The following ANKRD24 variants were observed in gnomAD, a reference collection of about 807,000 sequenced individuals.
ANKRD24 encodes the protein ankyrin repeat domain-containing protein 24.
In ANKRD24, 109 loss-of-function variants were observed where a neutral mutation model predicts 127.8. That is an observed-to-expected ratio of 0.85 (90% CI 0.73 to 1.00). The LOEUF is 1.00. Among genes scored for constraint, ANKRD24 ranks in the 50% least tolerant of loss-of-function variants. ANKRD24 has a pLI of 0.00. For synonymous variants in ANKRD24, 743 were observed against 671.1 expected (o/e 1.11, Z -1.66); for missense variants, 1,648 against 1,570.2 (o/e 1.05, Z -0.84).
chr19:4,213,523 TCGGTTCA>T (rs1969891090), intron 15 of ANKRD24, among the ~76,000 whole-genome samples: 1 of 142,632 alleles, frequency 7.0e-6, no homozygotes, highest in African/African-American at 2.6e-5. Context: ...TGGTGTGATC[TCGGTTCA>T]CGGCAACCTC....
At position 4,224,534 on chromosome 19, in the gene ANKRD24, C is replaced by G; in HGVS notation, c.*29C>G. On this transcript the variant is annotated 3_prime_UTR_variant, in exon 22 of 22. Coordinates refer to ENST00000318934, the MANE Select transcript of ANKRD24 (RefSeq NM_001393985.1). ...AGGCCAGGCCCAGTGGCTACACTGA[C>G]CACACCCACGCAGGGACCTCACCCC... 6.3e-7 allele frequency: 1 copy of G among 1,588,122 alleles called. No individual in the cohort carries two copies. The highest frequency in any genetic ancestry group is 1.1e-5 in the South Asian group (1 of 87,832).
In ANKRD24 at chr19:4,207,597, C is replaced by G; in HGVS notation, c.634C>G (p.Leu212Val). 6.2e-7 allele frequency: 1 copy of G among 1,613,922 alleles called. No homozygotes were observed. The highest frequency in any genetic ancestry group is 2.2e-5 in the East Asian group (1 of 44,886). The part of the protein sequence containing the change: ...QQGAAANDQD[L>V]QGRTALMLAC... ...AGGGGCTGCCGCGAACGATCAGGAC[C>G]TGCAAGGCAGGTGAGCATCTCCCCT... Residue 212 changes from leucine to valine, a missense_variant, in exon 9 of 22, where the codon CTG (leucine) becomes GTG (valine). Physicochemically the swap from Leu to Val is conservative, Grantham distance 32. Coordinates refer to ENST00000318934, the MANE Select transcript of ANKRD24 (RefSeq NM_001393985.1).
Position 4,219,593 on chromosome 19 carries a change from G to T in ANKRD24, c.3006G>T (p.Val1002=), listed in dbSNP as rs575222527. 2 of 1,607,170 alleles carry T rather than the reference G, an allele frequency of 1.2e-6. No homozygotes were observed. The highest frequency in any genetic ancestry group is 1.7e-5 in the Admixed American group (1 of 59,516). Residue 1002 remains valine (V), a splice_region_variant and synonymous_variant, in exon 19 of 22, where the codon GTG becomes GTT. Coordinates refer to ENST00000318934, the MANE Select transcript of ANKRD24 (RefSeq NM_001393985.1). ...TCATGCGTGGGCTTGGGCCACAGGT[G>T]CAGCGTGAGGCCCTGTTCATGAAGA... The part of the protein sequence containing the change: ...HEKTSAEVFQ[V]QREALFMKSE...
Position 4,216,791 on chromosome 19 carries a change from T to C in ANKRD24, c.1631T>C (p.Met544Thr). The stretch of plus-strand genomic sequence containing the variant: ...GCCACCAAAAACGGGCCAACCCACA[T>C]GGAGCTAAATGGCTCAGTGGCTCCA... ...ATATKNGPTH[M>T]ELNGSVAPET... Residue 544 changes from methionine (M) to threonine (T), a missense_variant, in exon 18 of 22, where the codon ATG becomes ACG. By Grantham distance (81) the Met-to-Thr change is moderately conservative. Transcript: ENST00000318934. The C allele has an allele frequency of 6.2e-7, 1 of 1,601,016 alleles. No homozygotes were observed. Among genetic ancestry groups the C allele is most frequent in the Non-Finnish European group, 8.5e-7 (1 of 1,174,204 alleles).
intron 5 of ANKRD24, 77 bp downstream of exon 5, chr19:4,200,248 C>A: frequency 7.1e-7 from 1 of 1,405,012 alleles, no homozygotes; most frequent in South Asian, 1.3e-5. Flanking sequence ...CCAGACCCTG[C>A]TCCCAGGTCT....
intron 13 of ANKRD24, among the ~76,000 whole-genome samples, chr19:4,211,817 T>A (rs1969757910): frequency 6.6e-6 from 1 of 151,994 alleles, no homozygotes; most frequent in African/African-American, 2.4e-5. Flanking sequence ...GAATGACTGG[T>A]CAGAATGGTG....
At chr19:4,191,948 A>T (rs1393711386) in intron 2 of ANKRD24, among the ~76,000 whole-genome samples, 3 of 145,166 alleles carry the variant, frequency 2.1e-5, no homozygotes, top group Non-Finnish European at 4.5e-5. Flanking sequence ...CGTCTAGCTA[A>T]TTTTTTTTTT....
At position 4,202,943 on chromosome 19, in the gene ANKRD24, C is replaced by G; in HGVS notation, c.466+17C>G. 6.5e-7 allele frequency: 1 copy of G among 1,545,200 alleles called. No individual in the cohort carries two copies. Among genetic ancestry groups the G allele is most frequent in the South Asian group, 1.2e-5 (1 of 83,334 alleles). Reference sequence around the variant, plus strand: ...ACCATGCAGGTGGGTGCAGCCCAGCCCTGCCCTGACCCCGAAGCCCAGAGG... The same window carrying G: ...ACCATGCAGGTGGGTGCAGCCCAGCGCTGCCCTGACCCCGAAGCCCAGAGG... On this transcript the variant is annotated intron_variant, in intron 7 of 21. Transcript: ENST00000318934.
intron 15 of ANKRD24, among the ~76,000 whole-genome samples, chr19:4,214,281 C>T (rs1969934238): frequency 6.6e-6 from 1 of 151,998 alleles, no homozygotes. Flanking sequence ...AATCCTCTCA[C>T]CTCAGCCTCC....
chr19:4,210,834 G>GGATTT (rs1969693410), intron 13 of ANKRD24, among the ~76,000 whole-genome samples: 1 of 86,860 alleles, frequency 1.2e-5, no homozygotes, highest in Non-Finnish European at 2.3e-5. Context: ...ATTTATTTTT[G>GGATTT]GTTTTGTTTT....
At chr19:4,202,496 G>A (rs1453037118) in intron 6 of ANKRD24, among the ~76,000 whole-genome samples, 1 of 152,004 alleles carries the variant, frequency 6.6e-6, no homozygotes, top group African/African-American at 2.4e-5. Context: ...CTTGAACTTG[G>A]GAGGCGGAGG....
At position 4,195,453 on chromosome 19, in the gene ANKRD24, C is replaced by T. The variant is rs951117597; in HGVS notation, c.37-4230C>T. ...AACTGAAGCCCTGAGCTGGGAGATC[C>T]GTTTCGGTCTCTTCTCTGGAGAAGC... is the stretch of plus-strand genomic sequence containing the variant. On this transcript the variant is annotated intron_variant, in intron 2 of 21. Transcript: ENST00000318934. The surrounding 1 kb of genome is among the most constrained non-coding windows in gnomAD (Gnocchi z 4.2). 2.6e-5 allele frequency among the ~76,000 whole-genome samples: 4 copies of T among 152,112 alleles called. No homozygotes were observed. Among genetic ancestry groups the T allele is most frequent in the African/African-American group, 4.8e-5 (2 of 41,426 alleles).
chr19:4,218,629 C>T (rs1415594934), intron 18 of ANKRD24, among the ~76,000 whole-genome samples: 1 of 152,008 alleles, frequency 6.6e-6, no homozygotes, highest in Non-Finnish European at 1.5e-5. Context: ...TGCAGCCATC[C>T]TGACCTCTTG....
intron 7 of ANKRD24, 133 bp from the exon 8 acceptor site, chr19:4,207,105 TAGAG>T: frequency 2.2e-6 from 1 of 457,540 alleles, no homozygotes. Flanking sequence ...TTTTTTTTTG[TAGAG>T]ACAGGGTCTC....
rs573097428 is a variant in ANKRD24, at chr19:4,223,086, C to T, written c.3297+291C>T. Among the ~76,000 whole-genome samples the T allele has an allele frequency of 4.6e-5, 7 of 152,040 alleles. 1 individual carries two copies. In the South Asian group the frequency reaches 1.5e-3, roughly 32 times the overall value. ...TTAGCGTCCTGCGTAGCTGGAATTACAGGCACGCACCACCACACCCAGCTA... is the reference window on the plus strand; with the variant it reads ...TTAGCGTCCTGCGTAGCTGGAATTATAGGCACGCACCACCACACCCAGCTA... On this transcript the variant is annotated intron_variant, in intron 20 of 21. Transcript: ENST00000318934.
Position 4,202,012 on chromosome 19 carries a change from C to G in ANKRD24, c.344-14C>G. The G allele has an allele frequency of 6.2e-7, 1 of 1,613,624 alleles. No homozygotes were observed. The highest frequency in any genetic ancestry group is 1.1e-5 in the South Asian group (1 of 91,080). On this transcript the variant is annotated splice_polypyrimidine_tract_variant and intron_variant, in intron 5 of 21. Coordinates refer to ENST00000318934, the MANE Select transcript of ANKRD24 (RefSeq NM_001393985.1). Reference sequence around the variant, plus strand: ...AATAGCTGGAGCTCCAGTAAATCTTCTTTCCTTCCCCAGGTTACAATGCCC... The same window carrying G: ...AATAGCTGGAGCTCCAGTAAATCTTGTTTCCTTCCCCAGGTTACAATGCCC...
chr19:4,200,755 C>G (rs951148828), intron 5 of ANKRD24, among the ~76,000 whole-genome samples: 1 of 152,014 alleles, frequency 6.6e-6, no homozygotes, highest in Non-Finnish European at 1.5e-5. Context: ...CTCCTGGGCT[C>G]TAAGTGATCC....
In ANKRD24 at chr19:4,224,696, A is replaced by T. The variant is rs934358741; in HGVS notation, c.*191A>T. ...CACCCCACCTGGTCTCTGCACGCACACACTGGTCAGTCTGGACCCGGGCCG... is the reference window on the plus strand; with the variant it reads ...CACCCCACCTGGTCTCTGCACGCACTCACTGGTCAGTCTGGACCCGGGCCG... On this transcript the variant is annotated 3_prime_UTR_variant, in exon 22 of 22. Coordinates refer to ENST00000318934, the MANE Select transcript of ANKRD24 (RefSeq NM_001393985.1). 59 of 621,898 alleles carry T rather than the reference A, an allele frequency of 9.5e-5. No homozygotes were observed. Among genetic ancestry groups the T allele is most frequent in the Non-Finnish European group, 1.0e-4 (35 of 348,452 alleles). The allele number at this position is 621,898 out of a possible 1,614,324, so 38.5% of individuals were successfully genotyped here.
Position 4,210,411 on chromosome 19 carries a change from G to C in ANKRD24, c.1059+39G>C, listed in dbSNP as rs752429330. On this transcript the variant is annotated intron_variant, in intron 13 of 21. Transcript: ENST00000318934. ...GGAGATTTGGGCGTGGGCCAGCCTG[G>C]GTGGGGTCAATGCAGGCATGAAGAT... 1.8e-5 allele frequency: 27 copies of C among 1,495,158 alleles called. No homozygotes were observed. In the East Asian group the frequency reaches 6.7e-4, roughly 37 times the overall value. 92.6% of individuals were successfully genotyped at this position (1,495,158 alleles called of 1,614,324 possible). A position where few individuals can be genotyped will look rare whatever the true frequency, so the allele number is the denominator to read the frequency against.
Sources: gnomAD v4.1 joint callset for allele counts (sites outside exome capture counted in the v4.1 genomes callset) on GRCh38, gnomAD v4.1.1 for gene constraint, Gnocchi (gnomAD v3.1) non-coding constraint, MANE v1.5 for transcripts, NCBI Gene and HGNC (gene_info 2026-07-23, HGNC 2026-07-21) for gene names.